The following UBE2B variants were observed in gnomAD, a reference collection of about 807,000 sequenced individuals.
The protein encoded by UBE2B is ubiquitin-conjugating enzyme E2 B.
Under a neutral mutation model 24.6 loss-of-function variants are expected in UBE2B, and 11 were observed. The observed-to-expected ratio is 0.45, with a 90% confidence interval of 0.28 to 0.74. The LOEUF (loss-of-function observed/expected upper bound fraction) is 0.74. Ranked by LOEUF, UBE2B falls within the 30% of genes least tolerant of loss-of-function variation. The pLI, the probability that UBE2B is intolerant of heterozygous loss-of-function variation, is 0.13. For synonymous variants in UBE2B, 68 were observed against 62.4 expected, an observed-to-expected ratio of 1.09 and a Z score of -0.42; for missense variants, 78 against 185.6, an observed-to-expected ratio of 0.42 and a Z score of 3.37.
intron 2 of UBE2B, among the ~76,000 whole-genome samples, chr5:134,375,776 G>A (rs1441926675): frequency 7.2e-6 from 1 of 139,368 alleles, no homozygotes; most frequent in Non-Finnish European, 1.5e-5. Flanking sequence ...CTCCAGCCTG[G>A]GCGACAGCGA....
Position 134,371,595 on chromosome 5 carries a change from C to G in UBE2B, c.-1C>G. 1 of 1,612,734 alleles carries G rather than the reference C, an allele frequency of 6.2e-7. No homozygotes were observed. Among genetic ancestry groups the G allele is most frequent in the Non-Finnish European group, 8.5e-7 (1 of 1,179,798 alleles). On this transcript the variant is annotated 5_prime_UTR_variant, in exon 1 of 6. Coordinates refer to ENST00000265339, the MANE Select transcript of UBE2B (RefSeq NM_003337.4). ...GACTGACCGCGGGGCAGCTGCGGAGCATGTCGACCCCGGCCCGGAGGAGGC... is the reference window on the plus strand; with the variant it reads ...GACTGACCGCGGGGCAGCTGCGGAGGATGTCGACCCCGGCCCGGAGGAGGC...
intron 3 of UBE2B, among the ~76,000 whole-genome samples, chr5:134,377,685 G>T (rs775936534): frequency 6.6e-6 from 1 of 152,114 alleles, no homozygotes; most frequent in Non-Finnish European, 1.5e-5. Flanking sequence ...GTTCTCAAGT[G>T]TGTGATCCAT....
intron 3 of UBE2B, among the ~76,000 whole-genome samples, chr5:134,377,789 AC>A (rs1442744168): frequency 6.6e-6 from 1 of 152,124 alleles, no homozygotes; most frequent in African/African-American, 2.4e-5. Context: ...ATGGTACAAA[AC>A]CAATGGTGGC....
At chr5:134,388,292 A>T (rs529168278) in intron 4 of UBE2B, 33 bp from the exon 5 acceptor site, 2 of 1,560,314 alleles carry the variant, frequency 1.3e-6, no homozygotes, top group African/African-American at 1.4e-5. Context: ...GATATGGCAG[A>T]GTGTGTAACT....
At position 134,390,302 on chromosome 5, in the gene UBE2B, A is replaced by G. The variant is rs1758879872; in HGVS notation, c.408A>G (p.Glu136=). 1 of 1,614,178 alleles carries G rather than the reference A, an allele frequency of 6.2e-7. No individual in the cohort carries two copies. Among genetic ancestry groups the G allele is most frequent in the Non-Finnish European group, 8.5e-7 (1 of 1,180,018 alleles). ...AAQLYQENKR[E]YEKRVSAIVE... ...AGCTTTATCAGGAAAACAAACGAGA[A>G]TATGAGAAAAGAGTTTCGGCCATTG... The change falls in exon 6 of 6, where the codon GAA becomes GAG. Residue 136 remains glutamate, a synonymous_variant. Transcript: ENST00000265339. The surrounding 1 kb of genome is among the most constrained non-coding windows in gnomAD (Gnocchi z 4.6).
At chr5:134,378,613 T>C (rs1758649543) in intron 3 of UBE2B, among the ~76,000 whole-genome samples, 1 of 152,226 alleles carries the variant, frequency 6.6e-6, no homozygotes, top group Non-Finnish European at 1.5e-5. Flanking sequence ...AAAGCACTTC[T>C]GCATGTCATA....
intron 2 of UBE2B, among the ~76,000 whole-genome samples, chr5:134,376,070 C>T (rs1206059075): frequency 2.7e-5 from 4 of 150,740 alleles, no homozygotes; most frequent in African/African-American, 7.3e-5. Context: ...CGGTGGCTCA[C>T]GCCTCTAAAT....
intron 3 of UBE2B, among the ~76,000 whole-genome samples, 172 bp downstream of exon 3, chr5:134,376,866 T>A (rs1414091105): frequency 6.6e-6 from 1 of 152,198 alleles, no homozygotes; most frequent in African/African-American, 2.4e-5. Flanking sequence ...AGCAGCTTGG[T>A]CACCTCCATT....
At chr5:134,387,102 C>T (rs563026789) in intron 4 of UBE2B, among the ~76,000 whole-genome samples, 3 of 151,812 alleles carry the variant, frequency 2.0e-5, no homozygotes, top group Admixed American at 1.3e-4. Flanking sequence ...TGGGACTACA[C>T]GCATGCACTA....
intron 2 of UBE2B, among the ~76,000 whole-genome samples, chr5:134,375,809 A>C (rs1336504225): frequency 1.4e-4 from 21 of 150,492 alleles, no homozygotes; most frequent in African/African-American, 4.1e-4. Flanking sequence ...AAAAAAAAAA[A>C]AAAAAAAAAA....
At chr5:134,376,114 A>G (rs1473348083) in intron 2 of UBE2B, among the ~76,000 whole-genome samples, 2 of 150,624 alleles carry the variant, frequency 1.3e-5, no homozygotes, top group Non-Finnish European at 3.0e-5. Context: ...TGAGTGGATC[A>G]CCTGAGGTCA....
rs982165048 is a variant in UBE2B, at chr5:134,373,668, T to G, written c.45-715T>G. ...CCCCACAACAGGCCCCTGTGTGTGA[T>G]GTTCCCTTTCCTGTGTCCAAGTGTT... On this transcript the variant is annotated intron_variant, in intron 1 of 5. Transcript: ENST00000265339. Among the ~76,000 whole-genome samples the G allele has an allele frequency of 1.2e-4, 19 of 152,160 alleles. 1 individual carries two copies. The highest frequency in any genetic ancestry group is 4.4e-5 in the Non-Finnish European group (3 of 68,024).
At chr5:134,384,171 G>A (rs984045643) in intron 4 of UBE2B, among the ~76,000 whole-genome samples, 4 of 152,130 alleles carry the variant, frequency 2.6e-5, no homozygotes, top group African/African-American at 9.7e-5. Context: ...CTCACTTTCA[G>A]GAAGAACATT....
chr5:134,379,507 G>A (rs919543529), intron 3 of UBE2B, among the ~76,000 whole-genome samples: 2 of 151,876 alleles, frequency 1.3e-5, no homozygotes, highest in Admixed American at 6.6e-5. Flanking sequence ...TGAGCCAGGC[G>A]GGATGGCACG....
rs541538394 is a variant in UBE2B, at chr5:134,383,979, C to G, written c.241+3171C>G. Among the ~76,000 whole-genome samples, 17 of 152,268 alleles carry G rather than the reference C, an allele frequency of 1.1e-4. No individual in the cohort carries two copies. In the South Asian group the frequency reaches 3.3e-3, roughly 30 times the overall value. ...TAGAGTAGTTTGTTACTATTCTTCA[C>G]TAAACGATGGCTAATTCCTTTGTAA... On this transcript the variant is annotated intron_variant, in intron 4 of 5. Transcript: ENST00000265339.
At chr5:134,377,793 A>G (rs1457123361) in intron 3 of UBE2B, among the ~76,000 whole-genome samples, 1 of 152,196 alleles carries the variant, frequency 6.6e-6, no homozygotes, top group African/African-American at 2.4e-5. Flanking sequence ...TACAAAACCA[A>G]TGGTGGCTAT....
At chr5:134,372,189 C>G (rs1379864736) in intron 1 of UBE2B, among the ~76,000 whole-genome samples, 1 of 152,240 alleles carries the variant, frequency 6.6e-6, no homozygotes, top group East Asian at 1.9e-4. Context: ...AAACCCGACT[C>G]TGTCCCCGCC....
At chr5:134,383,847 T>G (rs1202197615) in intron 4 of UBE2B, among the ~76,000 whole-genome samples, 3 of 152,176 alleles carry the variant, frequency 2.0e-5, no homozygotes, top group Middle Eastern at 3.4e-3. Flanking sequence ...CTAGACTAAG[T>G]TTTTTAAACG....
intron 4 of UBE2B, among the ~76,000 whole-genome samples, chr5:134,383,661 A>G (rs1758748794): frequency 6.6e-6 from 1 of 151,746 alleles, no homozygotes; most frequent in Non-Finnish European, 1.5e-5. Flanking sequence ...GGGTTTCACC[A>G]TGTTGGCCAG....
Sources: gnomAD v4.1 joint callset for allele counts (sites outside exome capture counted in the v4.1 genomes callset) on GRCh38, gnomAD v4.1.1 for gene constraint, Gnocchi (gnomAD v3.1) non-coding constraint, MANE v1.5 for transcripts, NCBI Gene and HGNC (gene_info 2026-07-23, HGNC 2026-07-21) for gene names.